The following DDX4 variants were observed in gnomAD, a reference collection of about 807,000 sequenced individuals.
DDX4 encodes probable ATP-dependent RNA helicase DDX4.
Under a neutral mutation model 100.0 loss-of-function variants are expected in DDX4, and 25 were observed. The observed-to-expected ratio is 0.25, with a 90% confidence interval of 0.18 to 0.35. The LOEUF is 0.35. DDX4 is among the 10% of genes least tolerant of loss of function. The pLI is 1.00. For synonymous variants in DDX4, 259 were observed against 275.7 expected, an observed-to-expected ratio of 0.94 and a Z score of 0.60; for missense variants, 635 against 882.4, an observed-to-expected ratio of 0.72 and a Z score of 3.55.
Position 55,816,432 on chromosome 5 carries a change from T to TTG in DDX4, c.2098-30_2098-29insGT, listed in dbSNP as rs1187478911. 14 of 1,542,974 alleles carry TTG rather than the reference T, an allele frequency of 9.1e-6. No individual in the cohort carries two copies. The South Asian group carries it at 1.5e-4, about 16-fold the overall frequency. On this transcript the variant is annotated intron_variant, in intron 21 of 21. Coordinates refer to ENST00000505374, the MANE Select transcript of DDX4 (RefSeq NM_024415.3). The stretch of plus-strand genomic sequence containing the variant: ...GTCATAAAATTAAATGTTTGTTTGT[T>TTG]TCTTTTTTTTTTTTTTTAAATAATT...
chr5:55,766,286 G>A (rs1475848751), intron 6 of DDX4, among the ~76,000 whole-genome samples: 1 of 151,952 alleles, frequency 6.6e-6, no homozygotes, highest in Non-Finnish European at 1.5e-5. Flanking sequence ...ATAGTACAGA[G>A]GTTTTTCATG....
chr5:55,800,682 GGA>G (rs1395114099), intron 18 of DDX4, among the ~76,000 whole-genome samples: 1 of 152,118 alleles, frequency 6.6e-6, no homozygotes, highest in Non-Finnish European at 1.5e-5. Flanking sequence ...TAATCCAAAA[GGA>G]GAGAGTTTTT....
At chr5:55,807,170 G>C (rs1222622455) in intron 18 of DDX4, among the ~76,000 whole-genome samples, 5 of 151,972 alleles carry the variant, frequency 3.3e-5, no homozygotes, top group African/African-American at 4.8e-5. Flanking sequence ...TTTTCCATTT[G>C]CTTGGTAGAT....
Position 55,816,780 on chromosome 5 carries a change from T to TG in DDX4, c.*240_*241insG. ...AATATTAAAGCATTCTAAATGTCTT[T>TG]CTTATTTCTGGTATATTCTTTAGGG... is the stretch of plus-strand genomic sequence containing the variant. On this transcript the variant is annotated 3_prime_UTR_variant, in exon 22 of 22. Transcript: ENST00000505374. 2 of 564,478 alleles carry TG rather than the reference T, an allele frequency of 3.5e-6. No homozygotes were observed. The highest frequency in any genetic ancestry group is 5.5e-6 in the Non-Finnish European group (2 of 365,852). The allele number at this position is 564,478 out of a possible 1,614,324, so 35.0% of individuals were successfully genotyped here.
At chr5:55,800,636 A>T (rs903522767) in intron 18 of DDX4, among the ~76,000 whole-genome samples, 6 of 152,118 alleles carry the variant, frequency 3.9e-5, no homozygotes, top group African/African-American at 1.4e-4. Flanking sequence ...GATTTTTTTT[A>T]TATATGAGCT....
intron 7 of DDX4, among the ~76,000 whole-genome samples, chr5:55,770,143 G>A (rs746072573): frequency 6.6e-5 from 10 of 152,130 alleles, no homozygotes; most frequent in African/African-American, 1.4e-4. Flanking sequence ...TGGGATTACC[G>A]GCATGAGCCA....
At chr5:55,765,408 AAAAAAATATATATAT>A (rs1324757214) in intron 6 of DDX4, among the ~76,000 whole-genome samples, 3 of 121,452 alleles carry the variant, frequency 2.5e-5, no homozygotes, top group Non-Finnish European at 4.9e-5. Context: ...AAAAAAAAAA[AAAAAAATATATATAT>A]ATATATATAT....
At chr5:55,768,122 CTT>C in intron 7 of DDX4, 182 bp downstream of exon 7, 2 of 589,780 alleles carry the variant, frequency 3.4e-6, no homozygotes. Context: ...TCCTTTCACT[CTT>C]TTATTTTATT....
rs3990072 is a variant in DDX4, at chr5:55,796,823, C to CTTTTTTTTT, written c.1470-1577_1470-1569dup. Among the ~76,000 whole-genome samples, 479 of 59,950 alleles carry CTTTTTTTTT rather than the reference C, an allele frequency of 8.0e-3. 42 individuals carry two copies. The highest frequency in any genetic ancestry group is 0.017 in the Middle Eastern group (1 of 60). 39.3% of individuals were successfully genotyped at this position (59,950 alleles called of 152,430 possible). On this transcript the variant is annotated intron_variant, in intron 17 of 21. Coordinates refer to ENST00000505374, the MANE Select transcript of DDX4 (RefSeq NM_024415.3). ...TTTTCTTTTCTTTTTTTCTTTCTTT[C>CTTTTTTTTT]TTTTTTTTTTTTTTTTTTTTTTTTT...
intron 8 of DDX4, among the ~76,000 whole-genome samples, chr5:55,780,635 C>G (rs1444819467): frequency 6.6e-6 from 1 of 152,108 alleles, no homozygotes; most frequent in East Asian, 1.9e-4. Context: ...CCATGCAGGA[C>G]TGGTAAGGTT....
intron 17 of DDX4, among the ~76,000 whole-genome samples, chr5:55,794,963 CTT>C (rs537421129): frequency 3.5e-4 from 49 of 140,864 alleles, no homozygotes; most frequent in African/African-American, 3.7e-4. Flanking sequence ...AGCCCCAGAC[CTT>C]TTTTTTTTTT....
chr5:55,798,683 C>A (rs1299841029), intron 18 of DDX4, 112 bp downstream of exon 18: 1 of 951,872 alleles, frequency 1.1e-6, no homozygotes, highest in Non-Finnish European at 1.5e-6. Context: ...TGTTTTAAGT[C>A]TCTCTCCCTC....
At chr5:55,764,848 A>G (rs1740790299) in intron 6 of DDX4, among the ~76,000 whole-genome samples, 1 of 152,188 alleles carries the variant, frequency 6.6e-6, no homozygotes, top group African/African-American at 2.4e-5. Context: ...AATGCGTGTA[A>G]AAGCACACAG....
chr5:55,752,878 A>G (rs1759656575), intron 3 of DDX4, among the ~76,000 whole-genome samples: 2 of 150,024 alleles, frequency 1.3e-5, no homozygotes, highest in Non-Finnish European at 3.0e-5. Context: ...TTGCCATTCT[A>G]ACTGGTGTGA....
chr5:55,744,842 A>G (rs1175386009), intron 2 of DDX4, among the ~76,000 whole-genome samples: 1 of 152,074 alleles, frequency 6.6e-6, no homozygotes, highest in Non-Finnish European at 1.5e-5. Context: ...TTTCCAGTCC[A>G]TAAGTGAATT....
At chr5:55,747,303 G>A (rs769883815) in intron 3 of DDX4, among the ~76,000 whole-genome samples, 24 of 152,186 alleles carry the variant, frequency 1.6e-4, no homozygotes, top group Non-Finnish European at 2.2e-4. Context: ...GCTTGAACCC[G>A]GGAGGTGGAG....
intron 10 of DDX4, among the ~76,000 whole-genome samples, chr5:55,783,675 A>ATGGATGGATGGG (rs1742066693): frequency 9.2e-6 from 1 of 108,686 alleles, no homozygotes; most frequent in Admixed American, 1.4e-4. Context: ...GGATGGATGG[A>ATGGATGGATGGG]TGAATGGATG....
intron 10 of DDX4, among the ~76,000 whole-genome samples, chr5:55,784,622 T>C (rs1178065922): frequency 1.3e-5 from 2 of 152,220 alleles, no homozygotes; most frequent in East Asian, 3.8e-4. Context: ...TTGTGCATTG[T>C]GGTTTTTGCT....
intron 18 of DDX4, among the ~76,000 whole-genome samples, chr5:55,811,211 A>C (rs1239923272): frequency 6.6e-6 from 1 of 152,164 alleles, no homozygotes; most frequent in Non-Finnish European, 1.5e-5. Context: ...CTTTGCTAGA[A>C]TATTAACACC....
Sources: allele counts gnomAD v4.1 joint callset (sites outside exome capture counted in the v4.1 genomes callset), GRCh38; gene constraint gnomAD v4.1.1; transcripts MANE v1.5; gene names NCBI Gene and HGNC (gene_info 2026-07-23, HGNC 2026-07-21).